The following URI1 variants were observed in gnomAD, a reference collection of about 807,000 sequenced individuals.
The protein encoded by URI1 is unconventional prefoldin RPB5 interactor 1.
Under a neutral mutation model 60.2 loss-of-function variants are expected in URI1, and 39 were observed. The ratio of observed to expected loss-of-function variants is 0.65; its 90% confidence interval spans 0.50 to 0.85. The LOEUF (loss-of-function observed/expected upper bound fraction) is 0.85. URI1 is among the 40% of genes least tolerant of loss of function. The probability of loss-of-function intolerance (pLI) is 0.00; values close to 1 mark genes in which losing one functional copy is unlikely to be tolerated. For synonymous variants in URI1, 251 were observed against 236.8 expected, an observed-to-expected ratio of 1.06 and a Z score of -0.55; for missense variants, 691 against 665.9, an observed-to-expected ratio of 1.04 and a Z score of -0.42.
chr19:29,956,671 T>G, intron 1 of URI1: 1 of 1,540,304 alleles, frequency 6.5e-7, no homozygotes, highest in Non-Finnish European at 9.0e-7. Flanking sequence ...AGACCCATTC[T>G]GGATAACGAC....
chr19:30,015,772 A>G lies in URI1; in HGVS notation c.*703A>G, dbSNP rs1311184144. 3.7e-6 allele frequency: 2 copies of G among 542,698 alleles called. No individual in the cohort carries two copies. The highest frequency in any genetic ancestry group is 5.6e-5 in the South Asian group (2 of 35,640). The allele number at this position is 542,698 out of a possible 1,614,324, so 33.6% of individuals were successfully genotyped here. On this transcript the variant is annotated 3_prime_UTR_variant, in exon 11 of 11. Coordinates refer to ENST00000392271, the MANE Select transcript of URI1 (RefSeq NM_003796.3). ...TGTCCTTGATTCATATGTATGCTAC[A>G]TGTATCACACAACAGATCTGGAATT...
At chr19:29,994,191 A>G (rs2145402572) in intron 4 of URI1, among the ~76,000 whole-genome samples, 1 of 152,222 alleles carries the variant, frequency 6.6e-6, no homozygotes, top group South Asian at 2.1e-4. Context: ...TAACAGACTG[A>G]CTACACCTTT....
At chr19:29,953,486 T>TA (rs935519208) in intron 1 of URI1, among the ~76,000 whole-genome samples, 1 of 152,182 alleles carries the variant, frequency 6.6e-6, no homozygotes, top group Non-Finnish European at 1.5e-5. Flanking sequence ...AGGCAGAAAG[T>TA]AAAAACAATC....
rs76247985 is a variant in URI1 at position 30,006,317 on chromosome 19, A to C, written c.517+609A>C. Among the ~76,000 whole-genome samples, 555 of 152,190 alleles carry C rather than the reference A, an allele frequency of 3.6e-3. 3 individuals are homozygous for C. The highest frequency in any genetic ancestry group is 0.013 in the African/African-American group (534 of 41,532). On this transcript the variant is annotated intron_variant, in intron 6 of 10. Coordinates refer to ENST00000392271, the MANE Select transcript of URI1 (RefSeq NM_003796.3). ...TTGTAAAAAGTATTACAGATGGCTT[A>C]TTATTTGCTACTGTAGAAGACTGTA...
chr19:29,944,726 T>A (rs1027323329), intron 1 of URI1, among the ~76,000 whole-genome samples: 2 of 152,178 alleles, frequency 1.3e-5, no homozygotes, highest in Non-Finnish European at 2.9e-5. Context: ...CTGTCATGGG[T>A]GTGTAAAATT....
rs186101886 is a variant in URI1, at chr19:30,015,804, G to T, written c.*735G>T. On this transcript the variant is annotated 3_prime_UTR_variant, in exon 11 of 11. Transcript: ENST00000392271. ...ACACAACAGATCTGGAATTCTTTCA[G>T]TTCCTCAGATACTTCTCCCTTAGTT... 6.3e-5 allele frequency: 27 copies of T among 427,772 alleles called. No homozygotes were observed. Among genetic ancestry groups the T allele is most frequent in the Non-Finnish European group, 1.1e-4 (26 of 244,132 alleles). The allele number at this position is 427,772 out of a possible 1,614,324, so 26.5% of individuals were successfully genotyped here.
At chr19:29,931,501 T>A (rs759614956) in intron 1 of URI1, among the ~76,000 whole-genome samples, 14 of 152,150 alleles carry the variant, frequency 9.2e-5, no homozygotes, top group Non-Finnish European at 1.3e-4. Context: ...CCACCTTCAT[T>A]TAACATTAAT....
chr19:29,942,973 G>C (rs185718839), intron 1 of URI1, among the ~76,000 whole-genome samples: 1 of 152,190 alleles, frequency 6.6e-6, no homozygotes, highest in Non-Finnish European at 1.5e-5. Flanking sequence ...AATATTTGTA[G>C]CTTGTAATGA....
At chr19:29,965,885 C>T (rs945461447) in intron 1 of URI1, among the ~76,000 whole-genome samples, 6 of 152,106 alleles carry the variant, frequency 3.9e-5, no homozygotes, top group African/African-American at 1.2e-4. Context: ...TTGTGTAAAA[C>T]GAGACTAGAT....
chr19:29,981,094 CT>C (rs35058414), intron 2 of URI1, among the ~76,000 whole-genome samples: 16,236 of 145,058 alleles, frequency 0.11, 1,222 homozygotes, highest in Non-Finnish European at 0.15. Flanking sequence ...AGGATGTAGA[CT>C]TTTTTTTTTT....
chr19:29,974,595 A>G (rs940872672), intron 2 of URI1, among the ~76,000 whole-genome samples: 3 of 151,648 alleles, frequency 2.0e-5, no homozygotes, highest in Admixed American at 6.6e-5. Context: ...ATTTTTTTTT[A>G]ACTTTTATTT....
intron 4 of URI1, among the ~76,000 whole-genome samples, chr19:29,999,782 T>C (rs1311650560): frequency 6.6e-6 from 1 of 152,014 alleles, no homozygotes; most frequent in Non-Finnish European, 1.5e-5. Context: ...GATTTTAGTT[T>C]ATGATAGATG....
At chr19:29,929,760 T>C (rs1339396925) in intron 1 of URI1, among the ~76,000 whole-genome samples, 1 of 152,042 alleles carries the variant, frequency 6.6e-6, no homozygotes, top group Non-Finnish European at 1.5e-5. Flanking sequence ...TTTGGAGAAA[T>C]AGCTATGCAA....
chr19:29,958,658 CT>C (rs903742858), intron 1 of URI1, among the ~76,000 whole-genome samples: 4 of 150,328 alleles, frequency 2.7e-5, no homozygotes, highest in South Asian at 2.1e-4. Flanking sequence ...TTTCTTTTTT[CT>C]TTTTTTTTGA....
intron 2 of URI1, chr19:29,983,352 A>G (rs1034499708): frequency 6.6e-6 from 1 of 152,146 alleles, no homozygotes; most frequent in Admixed American, 6.6e-5. Flanking sequence ...CATTTATTAT[A>G]GGTTATGTAA....
intron 1 of URI1, among the ~76,000 whole-genome samples, chr19:29,964,063 G>A (rs903735269): frequency 2.0e-5 from 3 of 152,040 alleles, no homozygotes; most frequent in African/African-American, 4.8e-5. Flanking sequence ...GTCAGACTGC[G>A]CAAGTTCTGC....
chr19:29,928,151 G>A (rs1003694691), intron 1 of URI1, among the ~76,000 whole-genome samples: 1 of 151,986 alleles, frequency 6.6e-6, no homozygotes, highest in African/African-American at 2.4e-5. Flanking sequence ...CAAGATGACC[G>A]CAGCTGCATG....
At position 30,010,090 on chromosome 19, in the gene URI1, G is replaced by A. The variant is rs1017495406; in HGVS notation, c.1035+737G>A. On this transcript the variant is annotated intron_variant, in intron 8 of 10. Transcript: ENST00000392271. ...TGCTCTAAGGGGACACTGGGAATTC[G>A]TCTAATTCGTCTTTCTCAGGGAAAT... Among the ~76,000 whole-genome samples the A allele has an allele frequency of 5.9e-5, 9 of 152,228 alleles. No homozygotes were observed. In the South Asian group the frequency reaches 6.2e-4, roughly 11 times the overall value.
chr19:30,006,149 T>G (rs575767273), intron 6 of URI1, among the ~76,000 whole-genome samples: 34 of 152,246 alleles, frequency 2.2e-4, no homozygotes, highest in Non-Finnish European at 3.7e-4. Context: ...CCTCTTATGG[T>G]GCCTGCAGTG....
Sources: gnomAD v4.1 joint callset for allele counts (sites outside exome capture counted in the v4.1 genomes callset) on GRCh38, gnomAD v4.1.1 for gene constraint, MANE v1.5 for transcripts, NCBI Gene and HGNC (gene_info 2026-07-23, HGNC 2026-07-21) for gene names.